The following KLHL14 variants were observed in gnomAD, a reference collection of about 807,000 sequenced individuals.
KLHL14 encodes kelch like family member 14.
KLHL14 carries 22 observed loss-of-function variants against 64.3 expected under a neutral mutation model. That is an observed-to-expected ratio of 0.34 (90% CI 0.24 to 0.49). The LOEUF is 0.49. Among genes scored for constraint, KLHL14 ranks in the 20% least tolerant of loss-of-function variants. KLHL14 has a pLI of 0.99. For missense variants in KLHL14, 661 were observed against 789.0 expected, an observed-to-expected ratio of 0.84 and a Z score of 1.94; for synonymous variants, 322 against 333.4, an observed-to-expected ratio of 0.97 and a Z score of 0.37.
In KLHL14 at chr18:32,733,390, G is replaced by GAGAC. The variant is rs1491176482; in HGVS notation, c.1069+8537_1069+8538insGTCT. 1.1e-4 allele frequency among the ~76,000 whole-genome samples: 8 copies of GAGAC among 70,772 alleles called. No homozygotes were observed. In the Admixed American group the frequency reaches 1.2e-3, roughly 10 times the overall value. 46.4% of individuals were successfully genotyped at this position (70,772 alleles called of 152,430 possible). ...CAGAGAGAGAGAAAGAGAGAGAAAG[G>GAGAC]AGAGAGAGAGAGAGAGAGAGAGAAG... On this transcript the variant is annotated intron_variant, in intron 3 of 8. Coordinates refer to ENST00000359358, the MANE Select transcript of KLHL14 (RefSeq NM_020805.3).
chr18:32,771,717 C>A (rs1415732675), intron 1 of KLHL14, among the ~76,000 whole-genome samples: 2 of 150,838 alleles, frequency 1.3e-5, no homozygotes, highest in African/African-American at 4.9e-5. Context: ...GGGCACCAGG[C>A]GCAGTCGCTT....
intron 3 of KLHL14, among the ~76,000 whole-genome samples, chr18:32,736,922 T>A (rs1227217272): frequency 6.6e-6 from 1 of 152,054 alleles, no homozygotes; most frequent in Non-Finnish European, 1.5e-5. Context: ...ATGTATCTCT[T>A]AGCACCCTGT....
intron 2 of KLHL14, among the ~76,000 whole-genome samples, chr18:32,768,240 G>T (rs1269143907): frequency 6.6e-6 from 1 of 152,112 alleles, no homozygotes; most frequent in South Asian, 2.1e-4. Context: ...ACAGATGTTA[G>T]AAAAATGAAC....
intron 2 of KLHL14, among the ~76,000 whole-genome samples, chr18:32,758,785 A>G (rs940932148): frequency 6.6e-6 from 1 of 152,232 alleles, no homozygotes; most frequent in Non-Finnish European, 1.5e-5. Flanking sequence ...TACCTGTGAC[A>G]ACATAGATGA....
At chr18:32,741,420 T>C (rs187691308) in intron 3 of KLHL14, among the ~76,000 whole-genome samples, 66 of 152,320 alleles carry the variant, frequency 4.3e-4, no homozygotes, top group Middle Eastern at 3.4e-3. Flanking sequence ...CAAATATATC[T>C]GTCCATTCAA....
intron 2 of KLHL14, among the ~76,000 whole-genome samples, chr18:32,762,353 A>T (rs1475621864): frequency 6.6e-6 from 1 of 151,996 alleles, no homozygotes; most frequent in Non-Finnish European, 1.5e-5. Flanking sequence ...TGAACACCTA[A>T]TTTCCAGTCT....
rs545824146 is a variant in KLHL14, at chr18:32,768,276, G to T, written c.947+1369C>A. Among the ~76,000 whole-genome samples the T allele has an allele frequency of 1.5e-4, 23 of 152,182 alleles. No individual in the cohort carries two copies. The East Asian group carries it at 4.4e-3, about 29-fold the overall frequency. ...TTACAGGGTTTTGTTACAAGTTCAA[G>T]ATTTCTCATGCCTCCTGTTGGCCTC... On this transcript the variant is annotated intron_variant, in intron 2 of 8. Coordinates refer to ENST00000359358, the MANE Select transcript of KLHL14 (RefSeq NM_020805.3).
chr18:32,690,289 G>A (rs1055855956), intron 4 of KLHL14, among the ~76,000 whole-genome samples: 2 of 152,166 alleles, frequency 1.3e-5, no homozygotes, highest in Admixed American at 1.3e-4. Context: ...GTCCTTTAAA[G>A]TGCTTGGGGT....
intron 2 of KLHL14, among the ~76,000 whole-genome samples, chr18:32,768,638 G>A (rs1321039075): frequency 6.6e-6 from 1 of 152,148 alleles, no homozygotes. Context: ...TCTAAAAAGA[G>A]AAAGAAACCC....
intron 3 of KLHL14, among the ~76,000 whole-genome samples, chr18:32,726,298 G>A (rs2050107802): frequency 6.6e-6 from 1 of 152,156 alleles, no homozygotes; most frequent in African/African-American, 2.4e-5. Context: ...AAAAGTTTGA[G>A]GACTGACCCC....
At chr18:32,705,725 TA>T (rs1445809987) in intron 3 of KLHL14, among the ~76,000 whole-genome samples, 2 of 152,280 alleles carry the variant, frequency 1.3e-5, no homozygotes, top group East Asian at 3.9e-4. Flanking sequence ...TGTCTCTAAA[TA>T]AATAAATAAA....
chr18:32,696,443 C>T (rs772098598), intron 3 of KLHL14, among the ~76,000 whole-genome samples: 6 of 152,168 alleles, frequency 3.9e-5, no homozygotes, highest in Non-Finnish European at 7.3e-5. Flanking sequence ...TAAATGTAAA[C>T]GTATACAGCA....
chr18:32,734,296 A>G (rs1164599975), intron 3 of KLHL14: 4 of 699,724 alleles, frequency 5.7e-6, no homozygotes, highest in South Asian at 4.5e-5. Flanking sequence ...AAGACACTGC[A>G]GCTCTTTCTT....
chr18:32,729,154 C>T (rs765794020), intron 3 of KLHL14, among the ~76,000 whole-genome samples: 26 of 152,112 alleles, frequency 1.7e-4, no homozygotes, highest in Non-Finnish European at 2.8e-4. Flanking sequence ...ATGAGGCTCA[C>T]ACGTGGTTCA....
chr18:32,763,040 ACC>A (rs2050322453), intron 2 of KLHL14, among the ~76,000 whole-genome samples: 1 of 151,184 alleles, frequency 6.6e-6, no homozygotes, highest in South Asian at 2.1e-4. Flanking sequence ...CAAATCTGAC[ACC>A]CCTTTAGTAC....
At chr18:32,765,504 A>G (rs2050337561) in intron 2 of KLHL14, among the ~76,000 whole-genome samples, 1 of 152,194 alleles carries the variant, frequency 6.6e-6, no homozygotes, top group Non-Finnish European at 1.5e-5. Flanking sequence ...CAGATAATAA[A>G]CAAATTGTAT....
At chr18:32,694,441 C>T (rs1385817029) in intron 4 of KLHL14, among the ~76,000 whole-genome samples, 2 of 152,150 alleles carry the variant, frequency 1.3e-5, no homozygotes, top group Non-Finnish European at 2.9e-5. Flanking sequence ...GCTCCTGTTC[C>T]AAGTTTCTCA....
At chr18:32,676,814 G>A (rs554367861) in intron 8 of KLHL14, among the ~76,000 whole-genome samples, 1 of 152,286 alleles carries the variant, frequency 6.6e-6, no homozygotes, top group Admixed American at 6.5e-5. Flanking sequence ...GAATATTGGA[G>A]AATGAATTTC....
intron 4 of KLHL14, among the ~76,000 whole-genome samples, chr18:32,691,746 A>G (rs981611743): frequency 1.3e-5 from 2 of 152,160 alleles, no homozygotes; most frequent in Non-Finnish European, 2.9e-5. Flanking sequence ...GCAGCTTGAG[A>G]GTGGCAGCCA....
Sources: gnomAD v4.1 joint callset for allele counts (sites outside exome capture counted in the v4.1 genomes callset) on GRCh38, gnomAD v4.1.1 for gene constraint, MANE v1.5 for transcripts, NCBI Gene and HGNC (gene_info 2026-07-23, HGNC 2026-07-21) for gene names.